DTNBP1: variants seen among roughly 807,000 people sequenced by gnomAD.
DTNBP1 encodes dystrobrevin binding protein 1, also known as dysbindin.
A neutral mutation model predicts 42.8 loss-of-function variants in DTNBP1; 35 were observed. The observed-to-expected ratio is 0.82, with a 90% CI of 0.63 to 1.09. The LOEUF (loss-of-function observed/expected upper bound fraction) is 1.09. Among genes scored for constraint, DTNBP1 ranks in the 50% least tolerant of loss-of-function variants. The pLI is 0.00. For synonymous variants in DTNBP1, 171 were observed against 162.2 expected, an observed-to-expected ratio of 1.05 and a Z score of -0.41; for missense variants, 457 against 424.2, an observed-to-expected ratio of 1.08 and a Z score of -0.68.
At chr6:15,577,676 C>A (rs1446521997) in intron 7 of DTNBP1, among the ~76,000 whole-genome samples, 1 of 152,182 alleles carries the variant, frequency 6.6e-6, no homozygotes, top group Admixed American at 6.5e-5. Flanking sequence ...CCAGTGAGCA[C>A]CATCACAGGA....
chr6:15,523,654 G>C, intron 9 of DTNBP1: 2 of 1,287,248 alleles, frequency 1.6e-6, no homozygotes, highest in Non-Finnish European at 2.0e-6. Flanking sequence ...CAATTTTATG[G>C]AACTAAATAG....
chr6:15,598,826 A>T (rs1232450325), intron 6 of DTNBP1, among the ~76,000 whole-genome samples: 1 of 152,204 alleles, frequency 6.6e-6, no homozygotes, highest in East Asian at 1.9e-4. Flanking sequence ...CATTCTCAAC[A>T]TTATCTTTAA....
chr6:15,548,785 A>G (rs369472917), intron 7 of DTNBP1, among the ~76,000 whole-genome samples: 4 of 152,222 alleles, frequency 2.6e-5, no homozygotes, highest in East Asian at 3.8e-4. Flanking sequence ...ACATCTAAAC[A>G]TAAGGCAATG....
chr6:15,592,540 G>C (rs1561979482), intron 7 of DTNBP1, among the ~76,000 whole-genome samples: 1 of 152,134 alleles, frequency 6.6e-6, no homozygotes, highest in Non-Finnish European at 1.5e-5. Flanking sequence ...GTAATGCTGG[G>C]TGCTTTTGGA....
intron 3 of DTNBP1, among the ~76,000 whole-genome samples, chr6:15,647,568 A>C (rs1032641655): frequency 4.0e-5 from 6 of 151,886 alleles, no homozygotes; most frequent in African/African-American, 1.4e-4. Context: ...ACTAAGAAAA[A>C]AAAAAAGACT....
chr6:15,606,238 T>G (rs1317788276), intron 6 of DTNBP1, among the ~76,000 whole-genome samples: 1 of 152,254 alleles, frequency 6.6e-6, no homozygotes, highest in African/African-American at 2.4e-5. Context: ...TATTTTATAA[T>G]GGGTCACAGT....
At chr6:15,600,995 T>C (rs1180987931) in intron 6 of DTNBP1, among the ~76,000 whole-genome samples, 1 of 152,154 alleles carries the variant, frequency 6.6e-6, no homozygotes, top group East Asian at 1.9e-4. Context: ...AAGGAGGGTC[T>C]GCAGAATGAG....
intron 7 of DTNBP1, among the ~76,000 whole-genome samples, chr6:15,543,932 A>G (rs1581290737): frequency 6.6e-6 from 1 of 151,910 alleles, no homozygotes; most frequent in Non-Finnish European, 1.5e-5. Flanking sequence ...TAGGAATAAG[A>G]CCCCTTCCCC....
At chr6:15,555,456 A>G (rs1435277189) in intron 7 of DTNBP1, among the ~76,000 whole-genome samples, 4 of 152,102 alleles carry the variant, frequency 2.6e-5, no homozygotes, top group Non-Finnish European at 5.9e-5. Flanking sequence ...GATACAGGTA[A>G]TAAAGACCCT....
rs918035631 is a variant in DTNBP1, at chr6:15,528,752, T to C, written c.668-4083A>G. Among the ~76,000 whole-genome samples the C allele has an allele frequency of 2.0e-5, 3 of 152,198 alleles. No homozygotes were observed. In the East Asian group the frequency reaches 5.8e-4, roughly 29 times the overall value. On this transcript the variant is annotated intron_variant, in intron 8 of 9. Coordinates refer to ENST00000344537, the MANE Select transcript of DTNBP1 (RefSeq NM_032122.5). ...GTGAAATGAAAGACAGCCATGTCAT[T>C]GTGACCAGTAATTCCTCTCCTAGTT...
chr6:15,529,165 G>A (rs748960138), intron 8 of DTNBP1, among the ~76,000 whole-genome samples: 3 of 152,068 alleles, frequency 2.0e-5, no homozygotes, highest in South Asian at 4.2e-4. Flanking sequence ...CACACCTGTC[G>A]TCTCAGCTAC....
At chr6:15,596,137 T>C (rs940896527) in intron 6 of DTNBP1, among the ~76,000 whole-genome samples, 8 of 151,998 alleles carry the variant, frequency 5.3e-5, no homozygotes, top group Non-Finnish European at 8.8e-5. Context: ...AAAAGTATCA[T>C]AAAGAAGACT....
intron 3 of DTNBP1, among the ~76,000 whole-genome samples, chr6:15,643,558 T>A (rs1016999828): frequency 1.3e-5 from 2 of 151,884 alleles, no homozygotes; most frequent in African/African-American, 4.8e-5. Flanking sequence ...AAATTACCCA[T>A]AGAGGAAAAC....
At chr6:15,652,794 T>C (rs1384729445) in intron 1 of DTNBP1, among the ~76,000 whole-genome samples, 9 of 152,058 alleles carry the variant, frequency 5.9e-5, no homozygotes. Flanking sequence ...TGCCCAGCTA[T>C]TTGTTTCACT....
At chr6:15,585,959 G>C (rs928063540) in intron 7 of DTNBP1, 3 of 1,326,934 alleles carry the variant, frequency 2.3e-6, no homozygotes, top group African/African-American at 3.0e-5. Flanking sequence ...ATATACATTG[G>C]AATCTACTGC....
chr6:15,655,623 G>A (rs1761236135), intron 1 of DTNBP1, among the ~76,000 whole-genome samples: 1 of 139,312 alleles, frequency 7.2e-6, no homozygotes, highest in African/African-American at 2.8e-5. Flanking sequence ...AGTAGCTATA[G>A]GAAAGTAAAA....
intron 7 of DTNBP1, among the ~76,000 whole-genome samples, chr6:15,574,463 C>G (rs151309780): frequency 1.5e-3 from 222 of 152,342 alleles, no homozygotes; most frequent in Non-Finnish European, 2.9e-3. Flanking sequence ...CACGAGGGAG[C>G]TGTCAAGGTT....
intron 7 of DTNBP1, among the ~76,000 whole-genome samples, chr6:15,542,635 G>A (rs1773640175): frequency 6.6e-6 from 1 of 152,048 alleles, no homozygotes; most frequent in Non-Finnish European, 1.5e-5. Flanking sequence ...CTCCCAAAGT[G>A]CTAGGATTAC....
chr6:15,574,545 G>T (rs1775481520), intron 7 of DTNBP1, among the ~76,000 whole-genome samples: 1 of 152,166 alleles, frequency 6.6e-6, no homozygotes, highest in African/African-American at 2.4e-5. Flanking sequence ...ATTTCAGTTT[G>T]CTCTGAGCAT....
Sources: allele counts gnomAD v4.1 joint callset (sites outside exome capture counted in the v4.1 genomes callset), GRCh38; gene constraint gnomAD v4.1.1; transcripts MANE v1.5; gene names NCBI Gene and HGNC (gene_info 2026-07-23, HGNC 2026-07-21).